Variants in GABRB3 observed in about 807,000 individuals in gnomAD.
GABRB3 encodes the protein gamma-aminobutyric acid receptor subunit beta-3.
Under a neutral mutation model 52.1 loss-of-function variants are expected in GABRB3, and 14 were observed. The ratio of observed to expected loss-of-function variants is 0.27; its 90% CI spans 0.18 to 0.42. The LOEUF (loss-of-function observed/expected upper bound fraction) is 0.42, where lower values mean the gene tolerates loss of function less well. Ranked by LOEUF, GABRB3 falls within the 10% of genes least tolerant of loss-of-function variation. The probability of loss-of-function intolerance (pLI) is 1.00; values close to 1 mark genes in which losing one functional copy is unlikely to be tolerated. For synonymous variants in GABRB3, 260 were observed against 232.3 expected (o/e 1.12, Z -1.08); for missense variants, 307 against 609.1 (o/e 0.50, Z 5.22).
At chr15:26,549,032 C>CTCTTCCCTTT (rs1436593813) in intron 8 of GABRB3, among the ~76,000 whole-genome samples, 1 of 152,206 alleles carries the variant, frequency 6.6e-6, no homozygotes, top group East Asian at 1.9e-4. Context: ...TTCCCTATCT[C>CTCTTCCCTTT]TCTTCCCTTT....
Position 26,629,025 on chromosome 15 carries a change from G to A in GABRB3, c.241-7491C>T, listed in dbSNP as rs1438777409. The A allele has an allele frequency of 4.6e-6, 7 of 1,536,028 alleles. No homozygotes were observed. The Admixed American group carries it at 1.2e-4, about 26-fold the overall frequency. ...ACATGGGGACACGAGGGAGTCTCCC[G>A]GTATCCCGGTGCTGAGGTCCCAAAG... On this transcript the variant is annotated intron_variant, in intron 3 of 8. Coordinates refer to ENST00000311550, the MANE Select transcript of GABRB3 (RefSeq NM_000814.6).
intron 3 of GABRB3, among the ~76,000 whole-genome samples, chr15:26,697,589 A>G (rs994082656): frequency 2.0e-5 from 3 of 152,170 alleles, no homozygotes; most frequent in Admixed American, 1.3e-4. Flanking sequence ...CACATATGCC[A>G]GTCCATACCC....
Position 26,759,011 on chromosome 15 carries a change from C to G in GABRB3, c.240+13391G>C, listed in dbSNP as rs149055496. Reference sequence around the variant, plus strand: ...GCTACTTCCAAGTTTGGTACACACTCCACATTTGGATCTATATAATCCTAA... The same window carrying G: ...GCTACTTCCAAGTTTGGTACACACTGCACATTTGGATCTATATAATCCTAA... On this transcript the variant is annotated intron_variant, in intron 3 of 8. Coordinates refer to ENST00000311550, the MANE Select transcript of GABRB3 (RefSeq NM_000814.6). Among the ~76,000 whole-genome samples the G allele has an allele frequency of 5.9e-5, 9 of 152,250 alleles. No individual in the cohort carries two copies. The East Asian group carries it at 9.7e-4, about 16-fold the overall frequency.
intron 3 of GABRB3, among the ~76,000 whole-genome samples, chr15:26,667,087 C>T (rs370576688): frequency 1.3e-5 from 2 of 152,336 alleles, no homozygotes; most frequent in South Asian, 2.1e-4. Context: ...GAGCACACCG[C>T]TCCATAATAC....
chr15:26,692,869 A>G (rs1222350867), intron 3 of GABRB3, among the ~76,000 whole-genome samples: 3 of 152,214 alleles, frequency 2.0e-5, no homozygotes, highest in Admixed American at 6.5e-5. Context: ...GCCTAGTTCT[A>G]ATGTTTCCAA....
At chr15:26,765,062 A>G (rs7172199) in intron 3 of GABRB3, among the ~76,000 whole-genome samples, 3,759 of 145,534 alleles carry the variant, frequency 0.026, 148 homozygotes, top group African/African-American at 0.091. Context: ...CCCGGGAGGC[A>G]GAGCTTGCAG....
intron 4 of GABRB3, chr15:26,615,700 C>A (rs1892228684): frequency 9.8e-7 from 1 of 1,024,688 alleles, no homozygotes; most frequent in Non-Finnish European, 1.2e-6. Flanking sequence ...AAAGCAAAAG[C>A]CCACTGATGC....
Position 26,678,804 on chromosome 15 carries a change from G to A in GABRB3, c.241-57270C>T, listed in dbSNP as rs1413930761. On this transcript the variant is annotated intron_variant, in intron 3 of 8. Transcript: ENST00000311550. ...TGCTGGGAGCAAAAAGGCAATTGGG[G>A]GCTGGTGTTTCTCTGTCCCAGATGA... 2.6e-5 allele frequency among the ~76,000 whole-genome samples: 4 copies of A among 152,164 alleles called. No homozygotes were observed. In the East Asian group the frequency reaches 5.8e-4, roughly 22 times the overall value.
chr15:26,593,618 G>A (rs1436514917), intron 4 of GABRB3, among the ~76,000 whole-genome samples: 1 of 151,666 alleles, frequency 6.6e-6, no homozygotes, highest in Non-Finnish European at 1.5e-5. Context: ...TTTTTTCAAG[G>A]TTCACCCATG....
At chr15:26,749,214 C>T (rs572568697) in intron 3 of GABRB3, among the ~76,000 whole-genome samples, 20 of 151,886 alleles carry the variant, frequency 1.3e-4, no homozygotes, top group African/African-American at 4.6e-4. Flanking sequence ...TTTTGATATG[C>T]TGCATTTTCA....
At chr15:26,730,272 G>C (rs1463124884) in intron 3 of GABRB3, among the ~76,000 whole-genome samples, 1 of 152,092 alleles carries the variant, frequency 6.6e-6, no homozygotes. Flanking sequence ...AGGATGAATA[G>C]CCGGGCGTGG....
chr15:26,748,913 C>A (rs1414154244), intron 3 of GABRB3, among the ~76,000 whole-genome samples: 1 of 151,998 alleles, frequency 6.6e-6, no homozygotes, highest in African/African-American at 2.4e-5. Context: ...GGAGTCCCAG[C>A]TAGTTGGGAG....
At chr15:26,560,821 G>A in intron 8 of GABRB3, 111 bp downstream of exon 8, 2 of 1,466,510 alleles carry the variant, frequency 1.4e-6, no homozygotes, top group Non-Finnish European at 1.9e-6. Flanking sequence ...CAAGAAGGGT[G>A]TGTGGCTTGA....
At chr15:26,642,869 G>C (rs1893242625) in intron 3 of GABRB3, among the ~76,000 whole-genome samples, 1 of 152,024 alleles carries the variant, frequency 6.6e-6, no homozygotes, top group South Asian at 2.1e-4. Context: ...GTTTATAAAA[G>C]AAATATGTCA....
intron 3 of GABRB3, among the ~76,000 whole-genome samples, chr15:26,726,935 C>T (rs935310209): frequency 2.1e-4 from 32 of 152,108 alleles, no homozygotes; most frequent in South Asian, 2.1e-4. Context: ...CCGAGGCAGG[C>T]GGATCATGAG....
chr15:26,671,907 G>A (rs1887910245), intron 3 of GABRB3, among the ~76,000 whole-genome samples: 1 of 152,076 alleles, frequency 6.6e-6, no homozygotes, highest in East Asian at 1.9e-4. Flanking sequence ...GAGCTCATTT[G>A]ATCCCAGGGA....
intron 4 of GABRB3, among the ~76,000 whole-genome samples, chr15:26,602,764 G>GT (rs1454116799): frequency 3.9e-5 from 6 of 151,998 alleles, no homozygotes; most frequent in Admixed American, 6.5e-5. Context: ...AGCAAAAGCA[G>GT]TAAGTACTAA....
At chr15:26,597,009 A>G (rs929232261) in intron 4 of GABRB3, among the ~76,000 whole-genome samples, 2 of 152,172 alleles carry the variant, frequency 1.3e-5, no homozygotes, top group African/African-American at 4.8e-5. Context: ...GTGCTAGTTC[A>G]GATTTCCCTT....
intron 6 of GABRB3, among the ~76,000 whole-genome samples, chr15:26,576,687 T>G (rs930500509): frequency 2.0e-5 from 3 of 152,008 alleles, no homozygotes; most frequent in African/African-American, 7.3e-5. Flanking sequence ...ATACCTGCAG[T>G]TTTCATAAGG....
Sources: allele counts gnomAD v4.1 joint callset (sites outside exome capture counted in the v4.1 genomes callset), GRCh38; gene constraint gnomAD v4.1.1; transcripts MANE v1.5; gene names NCBI Gene and HGNC (gene_info 2026-07-23, HGNC 2026-07-21).